Variants in DKK4 observed in about 807,000 individuals in gnomAD.
DKK4 encodes the protein dickkopf Wnt signaling pathway inhibitor 4, also known as dickkopf-related protein 4.
In DKK4, 15 loss-of-function variants were observed where a neutral mutation model predicts 14.5. The ratio of observed to expected loss-of-function variants is 1.03; its 90% CI spans 0.69 to 1.59. The LOEUF is 1.59. DKK4 is among the 40% of genes most tolerant of loss of function. The pLI is 0.00. For synonymous variants in DKK4, 89 were observed against 105.2 expected (o/e 0.85, Z 0.94); for missense variants, 272 against 280.3 (o/e 0.97, Z 0.21).
chr8:42,390,049 T>C, the DKK4 span, among the ~76,000 whole-genome samples: 9 of 151,720 alleles, frequency 5.9e-5, no homozygotes, highest in Admixed American at 2.6e-4. Flanking sequence ...CCCGCCACCA[T>C]GCCCAGCTAA....
At chr8:42,386,725 G>A in the DKK4 span, among the ~76,000 whole-genome samples, 1 of 152,172 alleles carries the variant, frequency 6.6e-6, no homozygotes, top group South Asian at 2.1e-4. Context: ...TTGGCCTTAA[G>A]CGATCTTCCT....
the DKK4 span, among the ~76,000 whole-genome samples, chr8:42,386,768 C>T: frequency 6.6e-6 from 1 of 152,166 alleles, no homozygotes; most frequent in African/African-American, 2.4e-5. Context: ...GGATTACAGG[C>T]GTGAGCCACC....
chr8:42,377,691 G>C (rs1298162332), upstream of DKK4, among the ~76,000 whole-genome samples: 1 of 152,206 alleles, frequency 6.6e-6, no homozygotes, highest in South Asian at 2.1e-4. Context: ...AGTGAGGACA[G>C]ATAGAAAAAG....
upstream of DKK4, among the ~76,000 whole-genome samples, chr8:42,380,751 A>G (rs1388307425): frequency 1.4e-5 from 2 of 144,320 alleles, no homozygotes; most frequent in East Asian, 4.2e-4. Context: ...GTGGAAAGAG[A>G]GAGAGAGAGA....
upstream of DKK4, among the ~76,000 whole-genome samples, chr8:42,381,367 T>C (rs1824676309): frequency 6.6e-6 from 1 of 152,206 alleles, no homozygotes; most frequent in African/African-American, 2.4e-5. Context: ...TTGCAGGATA[T>C]CTACTGTGGA....
intron 1 of DKK4, 116 bp downstream of exon 1, chr8:42,376,819 A>G (rs1824572995): frequency 3.6e-6 from 3 of 839,484 alleles, no homozygotes; most frequent in South Asian, 3.4e-5. Flanking sequence ...AACCAATTCA[A>G]TTTACCTGCT....
At chr8:42,387,872 ATGT>A in the DKK4 span, among the ~76,000 whole-genome samples, 8,155 of 152,118 alleles carry the variant, frequency 0.054, 671 homozygotes, top group African/African-American at 0.18. Flanking sequence ...AGATAACAGA[ATGT>A]TGTGAAATTT....
At chr8:42,379,374 TATATAGAG>T (rs1474105347), upstream of DKK4, among the ~76,000 whole-genome samples, 17 of 48,370 alleles carry the variant, frequency 3.5e-4, no homozygotes, top group South Asian at 1.5e-3. Context: ...TATATATATA[TATATAGAG>T]AGAGAGAGAG....
chr8:42,386,128 G>A, the DKK4 span, among the ~76,000 whole-genome samples: 1 of 152,156 alleles, frequency 6.6e-6, no homozygotes, highest in Non-Finnish European at 1.5e-5. Flanking sequence ...GCCCGGGCTG[G>A]AGTGCAGTGG....
chr8:42,380,682 AAAG>A (rs571382976), upstream of DKK4, among the ~76,000 whole-genome samples: 61 of 149,566 alleles, frequency 4.1e-4, no homozygotes, highest in Admixed American at 9.9e-4. Flanking sequence ...AAGAGAAAGA[AAAG>A]AAAAGAAAAG....
Position 42,377,123 on chromosome 8 carries a change from C to A in DKK4, c.-78G>T. On this transcript the variant is annotated 5_prime_UTR_variant, in exon 1 of 4. Transcript: ENST00000220812. The stretch of plus-strand genomic sequence containing the variant: ...AGGCTGCTCTCCACCCAGAGCAGAG[C>A]TTCCACTAAGCTGGCAGCTCAGCAC... 1 of 1,198,512 alleles carries A rather than the reference C, an allele frequency of 8.3e-7. No individual in the cohort carries two copies. 74.2% of individuals were successfully genotyped at this position (1,198,512 alleles called of 1,614,324 possible). A position where few individuals can be genotyped will look rare whatever the true frequency, so the allele number is the denominator to read the frequency against.
At chr8:42,377,981 A>G (rs1453362414), upstream of DKK4, among the ~76,000 whole-genome samples, 1 of 152,252 alleles carries the variant, frequency 6.6e-6, no homozygotes, top group Admixed American at 6.5e-5. Context: ...GTGTTGCATT[A>G]TGTAAAACTC....
upstream of DKK4, among the ~76,000 whole-genome samples, chr8:42,380,464 GGA>G (rs1824651781): frequency 2.2e-5 from 3 of 137,318 alleles, no homozygotes; most frequent in South Asian, 7.2e-4. Flanking sequence ...AGGGAGGGAA[GGA>G]GAGAGGGAGG....
At chr8:42,380,518 AAAAAAGAG>A (rs1824653677), upstream of DKK4, among the ~76,000 whole-genome samples, 1 of 146,762 alleles carries the variant, frequency 6.8e-6, no homozygotes, top group African/African-American at 2.6e-5. Flanking sequence ...AAAAGAAAAG[AAAAAAGAG>A]AGGAAGGAAG....
At chr8:42,386,364 T>C in the DKK4 span, among the ~76,000 whole-genome samples, 1 of 152,232 alleles carries the variant, frequency 6.6e-6, no homozygotes, top group African/African-American at 2.4e-5. Flanking sequence ...TTTATCTTTT[T>C]TCAATGAGCC....
intron 3 of DKK4, 66 bp from the exon 4 acceptor site, chr8:42,374,425 T>C: frequency 6.3e-7 from 1 of 1,595,570 alleles, no homozygotes; most frequent in African/African-American, 1.4e-5. Context: ...GGTTTGCTAC[T>C]GGGATAAGGG....
the DKK4 span, among the ~76,000 whole-genome samples, chr8:42,386,546 C>T: frequency 6.6e-6 from 1 of 152,184 alleles, no homozygotes; most frequent in Admixed American, 6.5e-5. Context: ...GGCTGGAGTG[C>T]AGTGGCGCCA....
Position 42,374,104 on chromosome 8 carries a change from A to G in DKK4, c.671T>C (p.Leu224Pro). The part of the protein sequence containing the change: ...RLRVCQKIEK[L>P] ...TTCTTCTTTATTTTGAAATATTTAT[A>G]GCTTTTCTATTTTTTGGCATACTCT... Residue 224 changes from leucine (L) to proline (P), a missense_variant, in exon 4 of 4, where the codon CTA (leucine) becomes CCA (proline). Leu to Pro is a moderately conservative substitution (Grantham distance 98, BLOSUM62 -3). Coordinates refer to ENST00000220812, the MANE Select transcript of DKK4 (RefSeq NM_014420.3). 1 of 1,610,448 alleles carries G rather than the reference A, an allele frequency of 6.2e-7. No homozygotes were observed.
At chr8:42,379,873 C>T (rs938689401), upstream of DKK4, among the ~76,000 whole-genome samples, 3 of 152,132 alleles carry the variant, frequency 2.0e-5, no homozygotes, top group Admixed American at 6.5e-5. Flanking sequence ...AGATTCTATT[C>T]TCTGCACAAT....
Sources: gnomAD v4.1 joint callset for allele counts (sites outside exome capture counted in the v4.1 genomes callset) on GRCh38, gnomAD v4.1.1 for gene constraint, MANE v1.5 for transcripts, NCBI Gene and HGNC (gene_info 2026-07-23, HGNC 2026-07-21) for gene names.